The following FIP1L1 variants were observed in gnomAD, a reference collection of about 807,000 sequenced individuals.
FIP1L1 encodes the protein pre-mRNA 3'-end-processing factor FIP1.
Under a neutral mutation model 84.6 loss-of-function variants are expected in FIP1L1, and 21 were observed. That is an observed-to-expected ratio of 0.25 (90% confidence interval 0.18 to 0.36). The LOEUF is 0.36. FIP1L1 is among the 10% of genes least tolerant of loss of function. The pLI is 1.00. For missense variants in FIP1L1, 526 were observed against 751.1 expected (o/e 0.70, Z 3.50); for synonymous variants, 263 against 242.3 (o/e 1.09, Z -0.80).
chr4:53,442,951 A>G (rs966192048), intron 14 of FIP1L1, among the ~76,000 whole-genome samples: 5 of 152,064 alleles, frequency 3.3e-5, no homozygotes, highest in African/African-American at 9.7e-5. Flanking sequence ...TTTATGACAC[A>G]CTTGATTAAA....
intron 10 of FIP1L1, among the ~76,000 whole-genome samples, chr4:53,408,385 A>C (rs527403744): frequency 2.1e-4 from 32 of 152,242 alleles, no homozygotes; most frequent in South Asian, 8.3e-4. Context: ...AATGGGCTTC[A>C]CTTTGTGGGT....
At chr4:53,421,412 T>G (rs1367999772) in intron 11 of FIP1L1, among the ~76,000 whole-genome samples, 1 of 152,338 alleles carries the variant, frequency 6.6e-6, no homozygotes, top group Non-Finnish European at 1.5e-5. Context: ...CTTTTCTCTA[T>G]GCTCATAGTT....
chr4:53,382,356 C>A, intron 4 of FIP1L1, 21 bp downstream of exon 4: 1 of 1,593,258 alleles, frequency 6.3e-7, no homozygotes, highest in Non-Finnish European at 8.6e-7. Context: ...GCTTTGAAAT[C>A]CAGTTACTGA....
chr4:53,390,770 G>A (rs1450386460), intron 7 of FIP1L1, 142 bp downstream of exon 7: 12 of 626,998 alleles, frequency 1.9e-5, no homozygotes, highest in Non-Finnish European at 3.2e-5. Context: ...AATGACTTGG[G>A]ATTATTAAAT....
chr4:53,399,254 G>T (rs1749007437), intron 9 of FIP1L1, among the ~76,000 whole-genome samples: 1 of 152,228 alleles, frequency 6.6e-6, no homozygotes, highest in African/African-American at 2.4e-5. Flanking sequence ...TGGATGTACA[G>T]TAGCAGATTA....
At chr4:53,382,924 A>G (rs10021659) in intron 4 of FIP1L1, among the ~76,000 whole-genome samples, 14,453 of 152,212 alleles carry the variant, frequency 0.095, 1,203 homozygotes, top group South Asian at 0.28. Context: ...CTTCACAAAT[A>G]TAGAATTTGC....
rs569039588 is a variant in FIP1L1, at chr4:53,400,479, C to T, written c.815+640C>T. On this transcript the variant is annotated intron_variant, in intron 10 of 17. Coordinates refer to ENST00000337488, the MANE Select transcript of FIP1L1 (RefSeq NM_030917.4). ...CGAAGTTTGAGGTCAGTAGTTTAATCTTGGACTAGATAAGATGACTAAAGT... is the reference window on the plus strand; with the variant it reads ...CGAAGTTTGAGGTCAGTAGTTTAATTTTGGACTAGATAAGATGACTAAAGT... Among the ~76,000 whole-genome samples the T allele has an allele frequency of 2.0e-5, 3 of 152,286 alleles. No homozygotes were observed. In the East Asian group the frequency reaches 5.8e-4, roughly 29 times the overall value.
At chr4:53,380,905 A>C (rs1737514308) in intron 3 of FIP1L1, among the ~76,000 whole-genome samples, 1 of 152,164 alleles carries the variant, frequency 6.6e-6, no homozygotes, top group Admixed American at 6.5e-5. Context: ...TTATCCCATT[A>C]ATTTTTATTT....
At chr4:53,404,306 C>T (rs956956246) in intron 10 of FIP1L1, among the ~76,000 whole-genome samples, 1 of 151,262 alleles carries the variant, frequency 6.6e-6, no homozygotes, top group African/African-American at 2.4e-5. Context: ...TGATGATTTC[C>T]AGTTTCATCC....
At chr4:53,380,790 T>G (rs1168147462) in intron 3 of FIP1L1, among the ~76,000 whole-genome samples, 1 of 152,212 alleles carries the variant, frequency 6.6e-6, no homozygotes, top group Non-Finnish European at 1.5e-5. Context: ...TAGTTTATGT[T>G]ATGAAAGTGA....
At chr4:53,382,416 A>G (rs1235966721) in intron 4 of FIP1L1, 81 bp downstream of exon 4, 3 of 1,098,700 alleles carry the variant, frequency 2.7e-6, no homozygotes, top group East Asian at 4.8e-5. Flanking sequence ...GCAAGCTGGC[A>G]TTTTACATTA....
At chr4:53,406,413 G>A (rs1046897705) in intron 10 of FIP1L1, among the ~76,000 whole-genome samples, 1 of 152,196 alleles carries the variant, frequency 6.6e-6, no homozygotes, top group Non-Finnish European at 1.5e-5. Context: ...TGTTTTGCCA[G>A]TATGTTACTG....
chr4:53,427,891 C>T, intron 12 of FIP1L1, 136 bp from the exon 13 acceptor site: 1 of 681,530 alleles, frequency 1.5e-6, no homozygotes, highest in East Asian at 2.8e-5. Flanking sequence ...AGAACTATTA[C>T]TCTCCCCCCA....
intron 10 of FIP1L1, among the ~76,000 whole-genome samples, chr4:53,406,560 A>G (rs1753615299): frequency 6.6e-6 from 1 of 152,060 alleles, no homozygotes; most frequent in African/African-American, 2.4e-5. Flanking sequence ...TTTTCTATTG[A>G]TTGGAATAGT....
intron 10 of FIP1L1, among the ~76,000 whole-genome samples, chr4:53,410,373 A>T (rs143154704): frequency 1.3e-5 from 2 of 152,188 alleles, no homozygotes; most frequent in Admixed American, 6.5e-5. Flanking sequence ...AAGAGGATCA[A>T]CTTCGATGAT....
At chr4:53,419,425 A>T (rs1191103579) in intron 11 of FIP1L1, among the ~76,000 whole-genome samples, 1 of 152,072 alleles carries the variant, frequency 6.6e-6, no homozygotes, top group Non-Finnish European at 1.5e-5. Flanking sequence ...TGAAAATGAA[A>T]CTAATTGGAT....
Position 53,453,107 on chromosome 4 carries a change from C to T in FIP1L1, c.1473C>T (p.His491=). 1 of 1,613,974 alleles carries T rather than the reference C, an allele frequency of 6.2e-7. No homozygotes were observed. Among genetic ancestry groups the T allele is most frequent in the East Asian group, 2.2e-5 (1 of 44,872 alleles). ...RTRERERERD[H]SPTPSVFNSD... ...GAGAGAGAGAGAGGGAGCGTGATCACAGTCCTACACCAAGTGTTTTCAACA... is the reference window on the plus strand; with the variant it reads ...GAGAGAGAGAGAGGGAGCGTGATCATAGTCCTACACCAAGTGTTTTCAACA... Residue 491 remains histidine (H), a synonymous_variant, in exon 16 of 18, where the codon CAC becomes CAT. Transcript: ENST00000337488.
At chr4:53,440,639 T>C in intron 13 of FIP1L1, 1 of 1,443,766 alleles carries the variant, frequency 6.9e-7, no homozygotes. Context: ...TCTCCATCAT[T>C]GTTAATAAAC....
At chr4:53,402,246 C>T (rs1213238382) in intron 10 of FIP1L1, among the ~76,000 whole-genome samples, 1 of 151,916 alleles carries the variant, frequency 6.6e-6, no homozygotes, top group African/African-American at 2.4e-5. Context: ...AGATAAAAGA[C>T]TTTGGAATGG....
Sources: gnomAD v4.1 joint callset for allele counts (sites outside exome capture counted in the v4.1 genomes callset) on GRCh38, gnomAD v4.1.1 for gene constraint, MANE v1.5 for transcripts, NCBI Gene and HGNC (gene_info 2026-07-23, HGNC 2026-07-21) for gene names.